COL26A1: variants seen among roughly 807,000 people sequenced by gnomAD.
The protein encoded by COL26A1 is collagen type XXVI alpha 1 chain.
A neutral mutation model predicts 59.3 loss-of-function variants in COL26A1; 41 were observed. The observed-to-expected ratio is 0.69, with a 90% CI of 0.54 to 0.90. The LOEUF (loss-of-function observed/expected upper bound fraction) is 0.90, where lower values mean the gene tolerates loss of function less well. Ranked by LOEUF, COL26A1 falls within the 40% of genes least tolerant of loss-of-function variation. COL26A1 has a pLI of 0.00. For synonymous variants in COL26A1, 266 were observed against 256.0 expected (o/e 1.04, Z -0.37); for missense variants, 612 against 602.3 (o/e 1.02, Z -0.17).
intron 3 of COL26A1, among the ~76,000 whole-genome samples, chr7:101,522,250 C>G (rs1236615055): frequency 6.6e-6 from 1 of 152,214 alleles, no homozygotes. Context: ...TCCAAGGGAA[C>G]TTAGGCACCC....
intron 3 of COL26A1, among the ~76,000 whole-genome samples, chr7:101,504,504 C>T (rs1794766771): frequency 6.6e-6 from 1 of 152,112 alleles, no homozygotes; most frequent in African/African-American, 2.4e-5. Context: ...CGGGGACTTC[C>T]GCCTCGCTCC....
At chr7:101,484,368 T>TTTA (rs1375428418) in intron 3 of COL26A1, among the ~76,000 whole-genome samples, 1 of 151,614 alleles carries the variant, frequency 6.6e-6, no homozygotes, top group African/African-American at 2.4e-5. Flanking sequence ...TACTTCTTAT[T>TTTA]TTATTATTAT....
intron 3 of COL26A1, among the ~76,000 whole-genome samples, chr7:101,489,766 CTT>C (rs1231150742): frequency 0.022 from 79 of 3,666 alleles, 17 homozygotes; most frequent in Non-Finnish European, 0.03. Context: ...CTCTTTCTTT[CTT>C]TCTTTCTTTC....
At chr7:101,513,059 T>G (rs574514648) in intron 3 of COL26A1, among the ~76,000 whole-genome samples, 9 of 152,048 alleles carry the variant, frequency 5.9e-5, no homozygotes, top group African/African-American at 2.2e-4. Flanking sequence ...CAGACTAGAG[T>G]GCAATGGCAT....
intron 2 of COL26A1, among the ~76,000 whole-genome samples, chr7:101,423,541 T>A (rs1200302513): frequency 6.6e-6 from 1 of 152,132 alleles, no homozygotes; most frequent in East Asian, 1.9e-4. Flanking sequence ...GAGACCAGCC[T>A]GGCCAATATG....
At chr7:101,508,386 G>A (rs1017708421) in intron 3 of COL26A1, among the ~76,000 whole-genome samples, 1 of 152,020 alleles carries the variant, frequency 6.6e-6, no homozygotes, top group African/African-American at 2.4e-5. Context: ...TCCAGGCGTG[G>A]TGCACACCTG....
intron 3 of COL26A1, among the ~76,000 whole-genome samples, chr7:101,528,930 C>A (rs1400764419): frequency 6.6e-6 from 1 of 152,134 alleles, no homozygotes; most frequent in Non-Finnish European, 1.5e-5. Flanking sequence ...CTTTGGGAGG[C>A]CAAGCCGGGT....
At position 101,385,848 on chromosome 7, in the gene COL26A1, G is replaced by C. The variant is rs1791561486; in HGVS notation, c.158+22658G>C. ...GCCTCCCAAGTAGCTGGGACTACAG[G>C]CGCCCACCACCACGCCCGGCTAATT... On this transcript the variant is annotated intron_variant, in intron 1 of 12. Transcript: ENST00000313669. 6.6e-5 allele frequency among the ~76,000 whole-genome samples: 10 copies of C among 152,090 alleles called. No homozygotes were observed. In the South Asian group the frequency reaches 2.1e-3, roughly 32 times the overall value.
chr7:101,368,075 C>T (rs539811843), intron 1 of COL26A1, among the ~76,000 whole-genome samples: 4 of 152,260 alleles, frequency 2.6e-5, no homozygotes, highest in Admixed American at 2.0e-4. Flanking sequence ...GTTATATGCT[C>T]ATGGTGCCTG....
chr7:101,440,350 A>G (rs897499638), intron 2 of COL26A1, among the ~76,000 whole-genome samples: 1 of 152,158 alleles, frequency 6.6e-6, no homozygotes, highest in African/African-American at 2.4e-5. Flanking sequence ...GGGGCAACAG[A>G]GCGAGACTCT....
At chr7:101,368,879 T>C (rs1392462686) in intron 1 of COL26A1, among the ~76,000 whole-genome samples, 1 of 143,438 alleles carries the variant, frequency 7.0e-6, no homozygotes, top group Non-Finnish European at 1.5e-5. Context: ...ATTTACTATT[T>C]GTAGGTAGAA....
At chr7:101,387,778 A>ATTTTTTTTT (rs1554404085) in intron 1 of COL26A1, among the ~76,000 whole-genome samples, 9 of 84,806 alleles carry the variant, frequency 1.1e-4, no homozygotes, top group African/African-American at 3.5e-4. Context: ...ATATATATAT[A>ATTTTTTTTT]TTTTTTTTTA....
chr7:101,459,025 A>G lies in COL26A1; in HGVS notation c.385+11238A>G, dbSNP rs148863479. On this transcript the variant is annotated intron_variant, in intron 3 of 12. Coordinates refer to ENST00000313669, the MANE Select transcript of COL26A1 (RefSeq NM_001278563.3). The stretch of plus-strand genomic sequence containing the variant: ...AGTGAGGTTTCACTATGTTGCCTAG[A>G]TTGGTCTTGAACTCTTGGCCTCAAG... Among the ~76,000 whole-genome samples, 707 of 152,092 alleles carry G rather than the reference A, an allele frequency of 4.6e-3. 5 individuals carry two copies. Among genetic ancestry groups the G allele is most frequent in the African/African-American group, 0.016 (683 of 41,492 alleles).
Position 101,428,357 on chromosome 7 carries a change from CAAA to C in COL26A1, c.281+8272_281+8274del, listed in dbSNP as rs10565419. ...TGGGCAACACAGTGAGACCCTGTCTCAAAAAAAAAAAAAAAAGGCAAAGAGAAT... is the reference window on the plus strand; with the variant it reads ...TGGGCAACACAGTGAGACCCTGTCTCAAAAAAAAAAAAAGGCAAAGAGAAT... On this transcript the variant is annotated intron_variant, in intron 2 of 12. Coordinates refer to ENST00000313669, the MANE Select transcript of COL26A1 (RefSeq NM_001278563.3). Among the ~76,000 whole-genome samples the C allele has an allele frequency of 4.6e-3, 594 of 130,540 alleles. 1 individual carries two copies. Among genetic ancestry groups the C allele is most frequent in the African/African-American group, 8.2e-3 (289 of 35,064 alleles). 85.6% of individuals were successfully genotyped at this position (130,540 alleles called of 152,430 possible).
intron 1 of COL26A1, among the ~76,000 whole-genome samples, chr7:101,381,619 T>G (rs1791450704): frequency 6.6e-6 from 1 of 152,156 alleles, no homozygotes; most frequent in Non-Finnish European, 1.5e-5. Context: ...AGCGAGAGAT[T>G]AAACTCTAAG....
At chr7:101,386,917 G>A (rs1791590546) in intron 1 of COL26A1, among the ~76,000 whole-genome samples, 1 of 152,178 alleles carries the variant, frequency 6.6e-6, no homozygotes, top group Non-Finnish European at 1.5e-5. Flanking sequence ...CGGGACAGCT[G>A]CTTGTGGGGA....
At chr7:101,524,335 T>C (rs1562788284) in intron 3 of COL26A1, among the ~76,000 whole-genome samples, 1 of 151,548 alleles carries the variant, frequency 6.6e-6, no homozygotes, top group Non-Finnish European at 1.5e-5. Context: ...CTCCCCCTAC[T>C]GCTAAGGGAA....
intron 1 of COL26A1, among the ~76,000 whole-genome samples, chr7:101,418,636 T>A (rs1017674320): frequency 6.6e-6 from 1 of 151,858 alleles, no homozygotes; most frequent in Non-Finnish European, 1.5e-5. Context: ...AGGTAATTTT[T>A]AAATATTTTT....
chr7:101,458,337 T>A lies in COL26A1; in HGVS notation c.385+10550T>A, dbSNP rs988094347. Among the ~76,000 whole-genome samples, 22 of 152,282 alleles carry A rather than the reference T, an allele frequency of 1.4e-4. No individual in the cohort carries two copies. The East Asian group carries it at 2.7e-3, about 19-fold the overall frequency. ...TGTCAATGTGTCTGTATTCCTCACC[T>A]GTGAAATGGTACTTTAGGCCGGGCA... On this transcript the variant is annotated intron_variant, in intron 3 of 12. Coordinates refer to ENST00000313669, the MANE Select transcript of COL26A1 (RefSeq NM_001278563.3).
Sources: allele counts gnomAD v4.1 joint callset (sites outside exome capture counted in the v4.1 genomes callset), GRCh38; gene constraint gnomAD v4.1.1; transcripts MANE v1.5; gene names NCBI Gene and HGNC (gene_info 2026-07-23, HGNC 2026-07-21).